LRP2: variants seen among roughly 807,000 people sequenced by gnomAD.
LRP2 encodes low-density lipoprotein receptor-related protein 2.
LRP2 carries 172 observed loss-of-function variants against 531.0 expected under a neutral mutation model. That is an observed-to-expected ratio of 0.32 (90% CI 0.29 to 0.37). The LOEUF (loss-of-function observed/expected upper bound fraction) is 0.37, where lower values mean the gene tolerates loss of function less well. Among genes scored for constraint, LRP2 ranks in the 10% least tolerant of loss-of-function variants. LRP2 has a pLI of 1.00. For synonymous variants in LRP2, 1,992 were observed against 2,027.6 expected (o/e 0.98, Z 0.47); for missense variants, 5,167 against 5,868.3 (o/e 0.88, Z 3.90).
chr2:169,275,409 G>A, intron 13 of LRP2, 171 bp from the exon 14 acceptor site: 1 of 614,428 alleles, frequency 1.6e-6, no homozygotes, highest in Admixed American at 2.7e-5. Flanking sequence ...ATCTACATAT[G>A]ATAGAAGGAT....
At chr2:169,293,966 C>T (rs1559061374) in intron 6 of LRP2, among the ~76,000 whole-genome samples, 182 bp downstream of exon 6, 1 of 152,036 alleles carries the variant, frequency 6.6e-6, no homozygotes, top group Non-Finnish European at 1.5e-5. Context: ...CGAGCAACAC[C>T]ACAAAGGCTT....
At chr2:169,335,470 A>C (rs1246927922) in intron 1 of LRP2, among the ~76,000 whole-genome samples, 1 of 152,360 alleles carries the variant, frequency 6.6e-6, no homozygotes, top group African/African-American at 2.4e-5. Flanking sequence ...AGAATTAAGG[A>C]CATAAAGAAA....
Position 169,239,676 on chromosome 2 carries a change from G to T in LRP2, c.4145C>A (p.Ala1382Asp). 6.2e-7 allele frequency: 1 copy of T among 1,613,862 alleles called. No individual in the cohort carries two copies. Among genetic ancestry groups the T allele is most frequent in the East Asian group, 2.2e-5 (1 of 44,880 alleles). The stretch of plus-strand genomic sequence containing the variant: ...GTCTTCACAGGTCTTAGAATCATTG[G>T]CAAGTAAGAATCCCAATGGACATAG... ...KCLCPLGFLLANDSKTCEDID... is the reference protein window; with the variant it reads ...KCLCPLGFLLDNDSKTCEDID... Residue 1382 changes from alanine to aspartate, a missense_variant, in exon 26 of 79, where the codon GCC becomes GAC. By Grantham distance (126) the Ala-to-Asp change is moderately radical (BLOSUM62 -2). Transcript: ENST00000649046.
chr2:169,310,847 G>T (rs1045021795), intron 3 of LRP2, among the ~76,000 whole-genome samples: 1 of 152,108 alleles, frequency 6.6e-6, no homozygotes, highest in African/African-American at 2.4e-5. Flanking sequence ...TCTTTTGGTT[G>T]GTAGCCTCTT....
At chr2:169,173,675 T>A (rs1687082654) in intron 56 of LRP2, among the ~76,000 whole-genome samples, 2 of 152,228 alleles carry the variant, frequency 1.3e-5, no homozygotes, top group African/African-American at 4.8e-5. Context: ...TGGTATCATA[T>A]TCTGGTTGGT....
intron 25 of LRP2, 128 bp downstream of exon 25, chr2:169,240,860 G>C: frequency 9.2e-7 from 1 of 1,082,086 alleles, no homozygotes; most frequent in Admixed American, 1.7e-5. Context: ...CCCCTACACA[G>C]ATGTGAACTC....
At chr2:169,346,163 A>G (rs1685691835) in intron 1 of LRP2, among the ~76,000 whole-genome samples, 2 of 152,252 alleles carry the variant, frequency 1.3e-5, no homozygotes, top group Admixed American at 1.3e-4. Context: ...CTTACAGGGA[A>G]ACGAAAGTGT....
intron 59 of LRP2, 45 bp downstream of exon 59, chr2:169,170,506 G>T: frequency 6.8e-7 from 1 of 1,470,730 alleles, no homozygotes; most frequent in Non-Finnish European, 9.5e-7. Flanking sequence ...CCCCTACACT[G>T]TCACAGTACA....
intron 1 of LRP2, among the ~76,000 whole-genome samples, chr2:169,341,719 C>A (rs1212989770): frequency 6.6e-6 from 1 of 152,112 alleles, no homozygotes; most frequent in Admixed American, 6.5e-5. Context: ...GGCCCAGAGC[C>A]AAATATCCTA....
At chr2:169,151,104 G>C in intron 67 of LRP2, 78 bp from the exon 68 acceptor site, 1 of 1,506,788 alleles carries the variant, frequency 6.6e-7, no homozygotes, top group Non-Finnish European at 9.2e-7. Flanking sequence ...GAAGATGAGA[G>C]CATTTCGTTT....
chr2:169,189,802 A>T (rs1574113202), intron 48 of LRP2, among the ~76,000 whole-genome samples: 1 of 151,248 alleles, frequency 6.6e-6, no homozygotes, highest in East Asian at 1.9e-4. Context: ...AACAAACAGT[A>T]TTTTTTTTTC....
intron 33 of LRP2, among the ~76,000 whole-genome samples, chr2:169,223,509 G>C (rs969178118): frequency 6.6e-6 from 1 of 152,222 alleles, no homozygotes; most frequent in African/African-American, 2.4e-5. Flanking sequence ...TTAGGCAGTA[G>C]ATGTTGCCTG....
Position 169,169,816 on chromosome 2 carries a change from T to C in LRP2, c.11383A>G (p.Met3795Val), listed in dbSNP as rs1686928935. The change falls in exon 60 of 79, where the codon ATG becomes GTG. Residue 3795 changes from methionine (M) to valine (V), a missense_variant and splice_region_variant. Physicochemically the swap from Met to Val is conservative, Grantham distance 21. This residue lies in a region of LRP2 where 564 missense variants were observed against 747.7 expected (regional missense o/e 0.75). Coordinates refer to ENST00000649046, the MANE Select transcript of LRP2 (RefSeq NM_004525.3). The stretch of plus-strand genomic sequence containing the variant: ...AAATATTCAGGATGGCAGGTCCTCA[T>C]CTCTGAAGAGAAAAGATTGTCATTC... ...GDNSDERDCE[M>V]RTCHPEYFQC... 2 of 1,601,642 alleles carry C rather than the reference T, an allele frequency of 1.2e-6. No individual in the cohort carries two copies. Among genetic ancestry groups the C allele is most frequent in the Non-Finnish European group, 8.6e-7 (1 of 1,168,666 alleles).
chr2:169,259,279 T>C (rs1052723185), intron 16 of LRP2, 62 bp from the exon 17 acceptor site: 2 of 1,215,702 alleles, frequency 1.6e-6, no homozygotes, highest in African/African-American at 3.0e-5. Flanking sequence ...TCAATTTTCC[T>C]ACTAATGCAC....
intron 10 of LRP2, among the ~76,000 whole-genome samples, chr2:169,281,701 G>A (rs1683708870): frequency 1.3e-5 from 2 of 151,956 alleles, no homozygotes; most frequent in Non-Finnish European, 2.9e-5. Flanking sequence ...CTGGGCAACA[G>A]AGCGAGACTC....
intron 15 of LRP2, chr2:169,271,603 C>G (rs1683415324): frequency 2.9e-6 from 1 of 340,008 alleles, no homozygotes; most frequent in Non-Finnish European, 4.1e-6. Context: ...AATAAACAGG[C>G]AAAACATGCA....
intron 68 of LRP2, 33 bp from the exon 69 acceptor site, chr2:169,146,992 C>A (rs1269966334): frequency 6.6e-7 from 1 of 1,516,290 alleles, no homozygotes. Context: ...TGTAGCATCT[C>A]ACCTGGTAAG....
At chr2:169,205,438 A>C (rs778187190) in intron 41 of LRP2, 41 bp downstream of exon 41, 88 of 1,609,114 alleles carry the variant, frequency 5.5e-5, no homozygotes, top group Non-Finnish European at 7.7e-6. Flanking sequence ...TGGAAGAAAA[A>C]CCTCTTCTTA....
intron 31 of LRP2, among the ~76,000 whole-genome samples, chr2:169,226,901 C>A (rs974629413): frequency 6.6e-6 from 1 of 151,738 alleles, no homozygotes; most frequent in Non-Finnish European, 1.5e-5. Context: ...ACCTCACAGA[C>A]AGGAAGTTCT....
Sources: allele counts gnomAD v4.1 joint callset (sites outside exome capture counted in the v4.1 genomes callset), GRCh38; gene constraint gnomAD v4.1.1; regional missense constraint gnomAD v4.1.1; transcripts MANE v1.5; gene names NCBI Gene and HGNC (gene_info 2026-07-23, HGNC 2026-07-21).